The following CSGALNACT1 variants were observed in gnomAD, a reference collection of about 807,000 sequenced individuals.
CSGALNACT1 encodes chondroitin sulfate N-acetylgalactosaminyltransferase 1, also known as beta4GalNAcT-1.
CSGALNACT1 carries 52 observed loss-of-function variants against 51.0 expected under a neutral mutation model. The ratio of observed to expected loss-of-function variants is 1.02; its 90% CI spans 0.82 to 1.29. The LOEUF is 1.29. Ranked by LOEUF, CSGALNACT1 falls within the 50% of genes most tolerant of loss-of-function variation. CSGALNACT1 has a pLI of 0.00. For missense variants in CSGALNACT1, 935 were observed against 679.2 expected, an observed-to-expected ratio of 1.38 and a Z score of -4.19; for synonymous variants, 341 against 254.4, an observed-to-expected ratio of 1.34 and a Z score of -3.24.
intron 3 of CSGALNACT1, among the ~76,000 whole-genome samples, chr8:19,573,032 G>A (rs536150170): frequency 4.6e-5 from 7 of 152,136 alleles, no homozygotes; most frequent in Non-Finnish European, 8.8e-5. Context: ...CAAATACACA[G>A]GGGACAAAGG....
intron 1 of CSGALNACT1, among the ~76,000 whole-genome samples, chr8:19,665,024 A>AT (rs1330712851): frequency 1.3e-5 from 2 of 152,130 alleles, no homozygotes; most frequent in South Asian, 2.1e-4. Context: ...TACTCTATTT[A>AT]TTTTTTGAGA....
At chr8:19,750,588 G>T (rs938626990) in intron 1 of CSGALNACT1, among the ~76,000 whole-genome samples, 1 of 152,068 alleles carries the variant, frequency 6.6e-6, no homozygotes, top group African/African-American at 2.4e-5. Context: ...TCCCCATTTT[G>T]CACATGAGGA....
intron 1 of CSGALNACT1, among the ~76,000 whole-genome samples, chr8:19,726,314 A>G (rs1321561137): frequency 1.3e-5 from 2 of 152,202 alleles, no homozygotes; most frequent in African/African-American, 4.8e-5. Flanking sequence ...AAACATGTTT[A>G]TGACACAAAA....
At chr8:19,464,464 T>C (rs2066229868) in intron 4 of CSGALNACT1, among the ~76,000 whole-genome samples, 1 of 152,154 alleles carries the variant, frequency 6.6e-6, no homozygotes, top group Admixed American at 6.5e-5. Context: ...TTTCAAGTCT[T>C]GTTCTTGCCT....
chr8:19,466,739 T>A (rs889509159), intron 4 of CSGALNACT1, among the ~76,000 whole-genome samples: 1 of 152,174 alleles, frequency 6.6e-6, no homozygotes, highest in Non-Finnish European at 1.5e-5. Flanking sequence ...ACTCACCCCA[T>A]GAAATGCAAC....
chr8:19,553,310 G>C (rs1484053247), intron 3 of CSGALNACT1, among the ~76,000 whole-genome samples: 2 of 151,932 alleles, frequency 1.3e-5, no homozygotes, highest in African/African-American at 4.8e-5. Flanking sequence ...TTTATTAAAT[G>C]GTACCCTAAA....
chr8:19,435,533 T>C (rs1472101418), intron 6 of CSGALNACT1, among the ~76,000 whole-genome samples: 1 of 149,748 alleles, frequency 6.7e-6, no homozygotes, highest in African/African-American at 2.5e-5. Flanking sequence ...TCCAAGCGAG[T>C]ATCTAAAGCA....
intron 3 of CSGALNACT1, among the ~76,000 whole-genome samples, chr8:19,566,855 G>C (rs1333650527): frequency 1.3e-5 from 2 of 152,162 alleles, no homozygotes; most frequent in African/African-American, 4.8e-5. Flanking sequence ...CCCTTGATGA[G>C]TACTTACAGC....
At chr8:19,544,001 C>T (rs2085882901) in intron 3 of CSGALNACT1, among the ~76,000 whole-genome samples, 2 of 152,098 alleles carry the variant, frequency 1.3e-5, no homozygotes, top group Admixed American at 6.5e-5. Context: ...CATAAAGACA[C>T]TTGTTCTTCC....
intron 3 of CSGALNACT1, among the ~76,000 whole-genome samples, chr8:19,536,328 A>C (rs1417023460): frequency 1.6e-5 from 2 of 128,044 alleles, no homozygotes; most frequent in African/African-American, 6.9e-5. Context: ...TGAACTTCAA[A>C]ATTTTGTAAA....
intron 1 of CSGALNACT1, among the ~76,000 whole-genome samples, chr8:19,662,590 G>A (rs2058854776): frequency 6.6e-6 from 1 of 152,184 alleles, no homozygotes; most frequent in African/African-American, 2.4e-5. Flanking sequence ...TTCTTAGGAA[G>A]ACCTCCCATT....
intron 1 of CSGALNACT1, among the ~76,000 whole-genome samples, chr8:19,676,414 A>C (rs773609531): frequency 4.6e-5 from 7 of 152,226 alleles, no homozygotes; most frequent in Non-Finnish European, 1.0e-4. Context: ...AGAACTGAAA[A>C]CCAGAATATC....
At chr8:19,551,745 A>G (rs905047987) in intron 3 of CSGALNACT1, among the ~76,000 whole-genome samples, 3 of 146,278 alleles carry the variant, frequency 2.1e-5, no homozygotes, top group Non-Finnish European at 3.0e-5. Flanking sequence ...TTTGCTTGCC[A>G]TCTCCCAAAA....
chr8:19,467,862 T>G (rs1292553048), intron 4 of CSGALNACT1, among the ~76,000 whole-genome samples: 2 of 152,172 alleles, frequency 1.3e-5, no homozygotes, highest in African/African-American at 2.4e-5. Flanking sequence ...TGTATGCCCC[T>G]GTAGTCCCAG....
At chr8:19,582,399 C>T (rs558173748) in intron 3 of CSGALNACT1, among the ~76,000 whole-genome samples, 38 of 152,102 alleles carry the variant, frequency 2.5e-4, no homozygotes, top group Non-Finnish European at 5.1e-4. Context: ...GGAAAAGAAC[C>T]TTTATTGCTT....
At chr8:19,569,344 G>A (rs920518146) in intron 3 of CSGALNACT1, among the ~76,000 whole-genome samples, 1 of 152,140 alleles carries the variant, frequency 6.6e-6, no homozygotes, top group African/African-American at 2.4e-5. Flanking sequence ...ACTGCTGATG[G>A]ACTATTCTCT....
At chr8:19,469,934 G>A (rs969815953) in intron 4 of CSGALNACT1, among the ~76,000 whole-genome samples, 1 of 152,142 alleles carries the variant, frequency 6.6e-6, no homozygotes, top group Non-Finnish European at 1.5e-5. Flanking sequence ...AGGGAGGGAG[G>A]GAAGAAGAAA....
rs1230597257 is a variant in CSGALNACT1 at position 19,612,719 on chromosome 8, G to C, written c.-543-10854C>G. ...TGATCCAAAGTCCTACTACATGGTG[G>C]CTAAAGTTGCGAGATTCCGTGTATT... is the stretch of plus-strand genomic sequence containing the variant. On this transcript the variant is annotated intron_variant, in intron 1 of 9. Coordinates refer to the CSGALNACT1 transcript ENST00000332246. Among the ~76,000 whole-genome samples, 3 of 151,818 alleles carry C rather than the reference G, an allele frequency of 2.0e-5. No individual in the cohort carries two copies. In the East Asian group the frequency reaches 5.8e-4, roughly 29 times the overall value.
chr8:19,463,295 T>C (rs528136392), intron 4 of CSGALNACT1, among the ~76,000 whole-genome samples: 11 of 152,288 alleles, frequency 7.2e-5, no homozygotes, highest in Non-Finnish European at 1.3e-4. Flanking sequence ...TTAAAAACGT[T>C]ATTTAAAACT....
Sources: gnomAD v4.1 joint callset for allele counts (sites outside exome capture counted in the v4.1 genomes callset) on GRCh38, gnomAD v4.1.1 for gene constraint, MANE v1.5 for transcripts, NCBI Gene and HGNC (gene_info 2026-07-23, HGNC 2026-07-21) for gene names.